The following SSC4D variants were observed in gnomAD, a reference collection of about 807,000 sequenced individuals.
SSC4D encodes the protein scavenger receptor cysteine rich family member with 4 domains.
Under a neutral mutation model 63.4 loss-of-function variants are expected in SSC4D, and 57 were observed. The observed-to-expected ratio is 0.90, with a 90% confidence interval of 0.73 to 1.12. SSC4D has a LOEUF of 1.12. Among genes scored for constraint, SSC4D ranks in the 50% most tolerant of loss-of-function variants. The probability of loss-of-function intolerance (pLI) is 0.00; values close to 1 mark genes in which losing one functional copy is unlikely to be tolerated. For missense variants in SSC4D, 791 were observed against 806.4 expected (o/e 0.98, Z 0.23); for synonymous variants, 352 against 345.4 (o/e 1.02, Z -0.21).
At position 76,400,411 on chromosome 7, in the gene SSC4D, C is replaced by T. The variant is rs771484204; in HGVS notation, c.350G>A (p.Arg117Gln). ...VPRPLAFGQGRGPILLDNVEC... is the reference protein window; with the variant it reads ...VPRPLAFGQGQGPILLDNVEC... ...CACGTTGTCCAGCAGGATGGGGCCT[C>T]GGCCTTGGCCAAAGGCAAGGGGCCG... The change falls in exon 4 of 11, where the codon CGA becomes CAA. Residue 117 changes from arginine (R) to glutamine (Q), a missense_variant. Physicochemically the swap from Arg to Gln is conservative, Grantham distance 43. Transcript: ENST00000275560. The T allele has an allele frequency of 1.0e-5, 16 of 1,603,668 alleles. No homozygotes were observed. Among genetic ancestry groups the T allele is most frequent in the East Asian group, 4.5e-5 (2 of 44,368 alleles).
intron 6 of SSC4D, among the ~76,000 whole-genome samples, chr7:76,396,376 A>G (rs1189625975): frequency 1.3e-5 from 2 of 152,202 alleles, no homozygotes; most frequent in South Asian, 2.1e-4. Context: ...AGTTCTTAAA[A>G]TATCTGCATA....
At chr7:76,403,020 A>G (rs1207916356) in intron 2 of SSC4D, among the ~76,000 whole-genome samples, 1 of 152,198 alleles carries the variant, frequency 6.6e-6, no homozygotes, top group Non-Finnish European at 1.5e-5. Flanking sequence ...TTTATAAGTT[A>G]GGCAGGATTT....
intron 5 of SSC4D, among the ~76,000 whole-genome samples, 183 bp from the exon 6 acceptor site, chr7:76,398,015 C>T (rs1009362287): frequency 2.6e-5 from 4 of 152,148 alleles, no homozygotes; most frequent in Non-Finnish European, 4.4e-5. Flanking sequence ...TCATTTCTGC[C>T]TAAAACCAAC....
intron 6 of SSC4D, among the ~76,000 whole-genome samples, chr7:76,396,185 C>T (rs1234860053): frequency 2.0e-5 from 3 of 152,162 alleles, no homozygotes; most frequent in African/African-American, 4.8e-5. Context: ...AGGACTCACT[C>T]GACTCAGGAG....
Position 76,393,612 on chromosome 7 carries a change from CAA to C in SSC4D, c.1124_1125del (p.Phe375CysfsTer84), listed in dbSNP as rs1273635593. 4.0e-6 allele frequency: 6 copies of C among 1,503,946 alleles called. No homozygotes were observed. Among genetic ancestry groups the C allele is most frequent in the Admixed American group, 2.1e-5 (1 of 47,540 alleles). 93.2% of individuals were successfully genotyped at this position (1,503,946 alleles called of 1,614,324 possible). Reference protein sequence around the residue: ...WGTVCDDDWDFADARVACREA... With the variant: ...WGTVCDDDWDXADARVACREA... ...TCGCGGCAGGCCACGCGCGCGTCCG[CAA>C]AGTCCCAGTCATCGTCGCACACGGT... On this transcript the variant is annotated frameshift_variant, in exon 9 of 11. Coordinates refer to ENST00000275560, the MANE Select transcript of SSC4D (RefSeq NM_080744.2). LOFTEE classifies it high-confidence loss of function.
rs779367591 is a variant in SSC4D at position 76,393,920 on chromosome 7, A to G, written c.947-16T>C. On this transcript the variant is annotated splice_polypyrimidine_tract_variant and intron_variant, in intron 7 of 10. Coordinates refer to ENST00000275560, the MANE Select transcript of SSC4D (RefSeq NM_080744.2). The stretch of plus-strand genomic sequence containing the variant: ...ACTCCTGTAGCTGTGGAGACAGGGC[A>G]TCTAGGGCGTTCGAAGGGGACGAGG... The G allele has an allele frequency of 6.3e-7, 1 of 1,591,602 alleles. No individual in the cohort carries two copies. The highest frequency in any genetic ancestry group is 1.1e-5 in the South Asian group (1 of 87,752).
Position 76,389,768 on chromosome 7 carries a change from A to C in SSC4D, c.*291T>G. The C allele has an allele frequency of 2.4e-6, 1 of 424,252 alleles. No individual in the cohort carries two copies. Among genetic ancestry groups the C allele is most frequent in the South Asian group, 3.2e-5 (1 of 31,036 alleles). The allele number at this position is 424,252 out of a possible 1,614,324, so 26.3% of individuals were successfully genotyped here. A position where few individuals can be genotyped will look rare whatever the true frequency, so the allele number is the denominator to read the frequency against. On this transcript the variant is annotated 3_prime_UTR_variant, in exon 11 of 11. Coordinates refer to ENST00000275560, the MANE Select transcript of SSC4D (RefSeq NM_080744.2). ...TATAAAAAGAGCCCCACCAAACAGAAGAGTTAGGAATCATCCTCTTCCCCT... is the reference window on the plus strand; with the variant it reads ...TATAAAAAGAGCCCCACCAAACAGACGAGTTAGGAATCATCCTCTTCCCCT...
Position 76,390,340 on chromosome 7 carries a change from C to T in SSC4D, c.1447G>A (p.Glu483Lys), listed in dbSNP as rs749525908. The T allele has an allele frequency of 2.5e-6, 4 of 1,605,594 alleles. No individual in the cohort carries two copies. Among genetic ancestry groups the T allele is most frequent in the South Asian group, 2.2e-5 (2 of 89,978 alleles). Residue 483 changes from glutamate to lysine, a missense_variant, in exon 11 of 11, where the codon GAG becomes AAG. Physicochemically the swap from Glu to Lys is moderately conservative, Grantham distance 56. Transcript: ENST00000275560. ...LRLVNGAHRC[E>K]GRVELYLGQR... is the part of the protein sequence containing the mutation. The stretch of plus-strand genomic sequence containing the variant: ...CCTAGGTAGAGCTCTACACGTCCCT[C>T]GCATCGGTGGGCTCCATTGACCAGA...
chr7:76,405,545 G>A lies in SSC4D; in HGVS notation c.-66-1040C>T, dbSNP rs1804998743. Among the ~76,000 whole-genome samples the A allele has an allele frequency of 2.7e-5, 4 of 150,680 alleles. No homozygotes were observed. In the Admixed American group the frequency reaches 2.7e-4, roughly 10 times the overall value. ...TGTCTGTAGCTGCAGCTAATGGGGA[G>A]GCTGAGGTAGGAGGATCACTTGCAC... On this transcript the variant is annotated intron_variant, in intron 1 of 10. Transcript: ENST00000275560.
rs200624400 is a variant in SSC4D, at chr7:76,404,343, G to C, written c.97C>G (p.Pro33Ala). The C allele has an allele frequency of 1.2e-6, 2 of 1,612,340 alleles. No individual in the cohort carries two copies. The highest frequency in any genetic ancestry group is 2.7e-5 in the African/African-American group (2 of 74,990). Residue 33 changes from proline (P) to alanine (A), a missense_variant, in exon 2 of 11, where the codon CCC becomes GCC. Pro to Ala is a conservative substitution (Grantham distance 27). Transcript: ENST00000275560. ...GDGSAAPPFL[P>A]QALSFLLLLP... is the part of the protein sequence containing the mutation. ...AGGAGAAGGAAAGACAGGGCTTGGG[G>C]GAGGAAGGGAGGGGCAGCACTCCCA...
In SSC4D at chr7:76,393,430, G is replaced by C. The variant is rs775088944; in HGVS notation, c.1308C>G (p.His436Gln). Residue 436 changes from histidine (H) to glutamine (Q), a missense_variant, in exon 9 of 11, where the codon CAC becomes CAG. Coordinates refer to ENST00000275560, the MANE Select transcript of SSC4D (RefSeq NM_080744.2). ...CTGCGCAGAGCGCTCCCGCGTCCTC[G>C]TGGTGGCCGCAGTTGTGCTGGCCCC... ...LGWGQHNCGHHEDAGALCAGP... is the reference protein window; with the variant it reads ...LGWGQHNCGHQEDAGALCAGP... 5.3e-6 allele frequency: 8 copies of C among 1,503,228 alleles called. No homozygotes were observed. Among genetic ancestry groups the C allele is most frequent in the Non-Finnish European group, 7.1e-6 (8 of 1,131,416 alleles). The allele number at this position is 1,503,228 out of a possible 1,614,324, so 93.1% of individuals were successfully genotyped here. A position where few individuals can be genotyped will look rare whatever the true frequency, so the allele number is the denominator to read the frequency against.
Position 76,401,025 on chromosome 7 carries a change from G to A in SSC4D, c.152C>T (p.Thr51Ile). ...GCACCTACCTTGAAAGGGCAGTGGA[G>A]TGGGCTGTAGGGCGCTGGCTGAAAC... Reference protein sequence around the residue: ...LLPLASALQPTPLPFQELRLV... With the variant: ...LLPLASALQPIPLPFQELRLV... The change falls in exon 3 of 11, where the codon ACT becomes ATT. Residue 51 changes from threonine (T) to isoleucine (I), a missense_variant. Transcript: ENST00000275560. 1 of 1,550,004 alleles carries A rather than the reference G, an allele frequency of 6.5e-7. No homozygotes were observed. The highest frequency in any genetic ancestry group is 8.7e-7 in the Non-Finnish European group (1 of 1,146,144).
chr7:76,401,338 C>A (rs1038906942), intron 2 of SSC4D, among the ~76,000 whole-genome samples: 2 of 152,206 alleles, frequency 1.3e-5, no homozygotes, highest in Non-Finnish European at 2.9e-5. Flanking sequence ...CTGTTACCTA[C>A]AGGAGTCTCA....
In SSC4D at chr7:76,390,389, G is replaced by A; in HGVS notation, c.1412-14C>T. On this transcript the variant is annotated splice_polypyrimidine_tract_variant and intron_variant, in intron 10 of 10. Coordinates refer to ENST00000275560, the MANE Select transcript of SSC4D (RefSeq NM_080744.2). ...GACGTAGATGCCCTGTGGGGGGACA[G>A]GGCTGGGTTGGAAGGGGCTGGTCCA... 6.4e-7 allele frequency: 1 copy of A among 1,561,876 alleles called. No homozygotes were observed. Among genetic ancestry groups the A allele is most frequent in the Non-Finnish European group, 8.7e-7 (1 of 1,153,324 alleles).
chr7:76,397,669 G>T lies in SSC4D; in HGVS notation c.717C>A (p.Thr239=). 6.2e-7 allele frequency: 1 copy of T among 1,613,548 alleles called. No homozygotes were observed. Among genetic ancestry groups the T allele is most frequent in the South Asian group, 1.1e-5 (1 of 91,084 alleles). The stretch of plus-strand genomic sequence containing the variant: ...TGCCATAGCCGAAGAAGGCGTTGGT[G>T]GTGGCGGCCATGGCCGCCCCGCAGC... The part of the protein sequence containing the change: ...QLGCGAAMAA[T]TNAFFGYGTG... Residue 239 remains threonine (T), a synonymous_variant, in exon 6 of 11, where the codon ACC becomes ACA. Transcript: ENST00000275560.
chr7:76,404,152 C>T (rs756627830), intron 2 of SSC4D, among the ~76,000 whole-genome samples, 155 bp downstream of exon 2: 1 of 152,144 alleles, frequency 6.6e-6, no homozygotes, highest in Non-Finnish European at 1.5e-5. Flanking sequence ...CAAACTCAGA[C>T]TCTTAGCTCT....
chr7:76,391,710 TCAGGA>T (rs1284796275), intron 10 of SSC4D, among the ~76,000 whole-genome samples: 1 of 152,180 alleles, frequency 6.6e-6, no homozygotes, highest in Non-Finnish European at 1.5e-5. Context: ...ATTGCTCTGC[TCAGGA>T]CAGGATCCTT....
Position 76,409,687 on chromosome 7 carries a change from C to T in SSC4D, c.-340G>A. 6.6e-6 allele frequency: 1 copy of T among 152,552 alleles called. No homozygotes were observed. The highest frequency in any genetic ancestry group is 1.5e-5 in the Non-Finnish European group (1 of 68,266). The allele number at this position is 152,552 out of a possible 1,614,324, so 9.4% of individuals were successfully genotyped here. ...GGTGGCCGGCACCAGCTGGAGCGGC[C>T]CCAGAAAAAGGGCACCCAGGTGGAG... On this transcript the variant is annotated 5_prime_UTR_variant, in exon 1 of 11. Coordinates refer to ENST00000275560, the MANE Select transcript of SSC4D (RefSeq NM_080744.2).
intron 5 of SSC4D, 44 bp from the exon 6 acceptor site, chr7:76,397,876 C>T (rs1448020526): frequency 1.4e-6 from 2 of 1,472,748 alleles, no homozygotes; most frequent in Non-Finnish European, 1.8e-6. Context: ...CCACTGGCCT[C>T]TGCCCCCGTC....
Sources: gnomAD v4.1 joint callset for allele counts (sites outside exome capture counted in the v4.1 genomes callset) on GRCh38, gnomAD v4.1.1 for gene constraint, MANE v1.5 for transcripts, NCBI Gene and HGNC (gene_info 2026-07-23, HGNC 2026-07-21) for gene names.